Variants in IL33 observed in about 807,000 individuals in gnomAD.
IL33 encodes interleukin-33.
A neutral mutation model predicts 27.3 loss-of-function variants in IL33; 37 were observed. The observed-to-expected ratio is 1.36, with a 90% confidence interval of 1.04 to 1.78. The LOEUF (loss-of-function observed/expected upper bound fraction) is 1.78. Among genes scored for constraint, IL33 ranks in the 40% most tolerant of loss-of-function variants. IL33 has a pLI of 0.00. For synonymous variants in IL33, 132 were observed against 102.9 expected (o/e 1.28, Z -1.71); for missense variants, 406 against 311.4 (o/e 1.30, Z -2.29).
At position 6,251,186 on chromosome 9, in the gene IL33, G is replaced by T. The variant is rs1318218970; in HGVS notation, c.264G>T (p.Gln88His). The T allele has an allele frequency of 6.2e-7, 1 of 1,614,036 alleles. No homozygotes were observed. The highest frequency in any genetic ancestry group is 8.5e-7 in the Non-Finnish European group (1 of 1,179,920). Reference sequence around the variant, plus strand: ...TGGTACTCGCTGCCTGTCAACAGCAGTCTACTGTGGAGTGCTTTGCCTTTG... The same window carrying T: ...TGGTACTCGCTGCCTGTCAACAGCATTCTACTGTGGAGTGCTTTGCCTTTG... ...RHLVLAACQQ[Q>H]STVECFAFGI... is the part of the protein sequence containing the mutation. The change falls in exon 4 of 8, where the codon CAG becomes CAT. Residue 88 changes from glutamine to histidine, a missense_variant. Coordinates refer to ENST00000682010, the MANE Select transcript of IL33 (RefSeq NM_033439.4).
intron 1 of IL33, among the ~76,000 whole-genome samples, chr9:6,226,954 T>G (rs1442621984): frequency 3.3e-5 from 5 of 152,248 alleles, no homozygotes; most frequent in African/African-American, 4.8e-5. Flanking sequence ...TGTATTTGCC[T>G]TGGGGCACTG....
At chr9:6,224,668 T>C (rs139547930) in intron 1 of IL33, among the ~76,000 whole-genome samples, 2 of 152,332 alleles carry the variant, frequency 1.3e-5, no homozygotes, top group Non-Finnish European at 2.9e-5. Context: ...CTCCTACTTT[T>C]TGGCATGTAT....
intron 2 of IL33, among the ~76,000 whole-genome samples, chr9:6,243,744 T>C (rs1033294363): frequency 6.6e-6 from 1 of 152,118 alleles, no homozygotes; most frequent in East Asian, 1.9e-4. Flanking sequence ...GGAAAGAAAA[T>C]GGAGGATAAG....
chr9:6,228,421 T>A (rs952254428), intron 1 of IL33, among the ~76,000 whole-genome samples: 2 of 152,250 alleles, frequency 1.3e-5, no homozygotes, highest in African/African-American at 4.8e-5. Context: ...ACTTGTCCAA[T>A]TTTATGTAAA....
intron 1 of IL33, among the ~76,000 whole-genome samples, chr9:6,236,239 T>C (rs1237408528): frequency 6.6e-6 from 1 of 152,164 alleles, no homozygotes. Context: ...TAGTGTTAAT[T>C]GGAAAATGCA....
chr9:6,254,767 C>A (rs1816631693), intron 7 of IL33, among the ~76,000 whole-genome samples: 1 of 152,062 alleles, frequency 6.6e-6, no homozygotes, highest in Non-Finnish European at 1.5e-5. Context: ...TATTGAAAGT[C>A]TGCTCTCTGC....
rs780824666 is a variant in IL33, at chr9:6,252,907, T to C, written c.385T>C (p.Tyr129His). The change falls in exon 5 of 8, where the codon TAC becomes CAC. Residue 129 changes from tyrosine to histidine, a missense_variant. By Grantham distance (83) the Tyr-to-His change is moderately conservative. Coordinates refer to ENST00000682010, the MANE Select transcript of IL33 (RefSeq NM_033439.4). ...ITEYLASLSTYNDQSITFALE... is the reference protein window; with the variant it reads ...ITEYLASLSTHNDQSITFALE... The stretch of plus-strand genomic sequence containing the variant: ...AGAGTATCTTGCTTCTCTAAGCACA[T>C]ACAATGATCAATCCATTACTTTTGC... 4.4e-5 allele frequency: 70 copies of C among 1,607,570 alleles called. No individual in the cohort carries two copies. Among genetic ancestry groups the C allele is most frequent in the Non-Finnish European group, 5.6e-5 (66 of 1,175,276 alleles).
intron 1 of IL33, among the ~76,000 whole-genome samples, chr9:6,218,390 CAGA>C (rs1818242261): frequency 6.6e-6 from 1 of 151,798 alleles, no homozygotes; most frequent in African/African-American, 2.4e-5. Context: ...TTGAAATAGC[CAGA>C]ACTGAAAACA....
intron 1 of IL33, among the ~76,000 whole-genome samples, chr9:6,229,898 G>C (rs905710647): frequency 6.6e-6 from 1 of 152,110 alleles, no homozygotes; most frequent in Non-Finnish European, 1.5e-5. Flanking sequence ...TTGTCAGGGA[G>C]ATCAAAACAT....
At chr9:6,253,976 G>A (rs116793071) in intron 6 of IL33, among the ~76,000 whole-genome samples, 237 of 152,272 alleles carry the variant, frequency 1.6e-3, no homozygotes, top group African/African-American at 5.5e-3. Flanking sequence ...ACAATGCCTG[G>A]TCAGCAGGAC....
At chr9:6,253,734 G>C in intron 6 of IL33, 132 bp downstream of exon 6, 2 of 615,926 alleles carry the variant, frequency 3.2e-6, no homozygotes, top group Non-Finnish European at 5.6e-6. Flanking sequence ...CAAGCTCATG[G>C]TAAAACCTTA....
At chr9:6,253,154 T>C (rs773276390) in intron 5 of IL33, among the ~76,000 whole-genome samples, 163 bp downstream of exon 5, 1 of 152,166 alleles carries the variant, frequency 6.6e-6, no homozygotes, top group Non-Finnish European at 1.5e-5. Flanking sequence ...TGAATCCACT[T>C]CTATGTCAAG....
chr9:6,226,498 T>C (rs1818636190), intron 1 of IL33, among the ~76,000 whole-genome samples: 1 of 152,184 alleles, frequency 6.6e-6, no homozygotes, highest in South Asian at 2.1e-4. Context: ...TCCAAGTCTT[T>C]TACCCTCTTT....
intron 1 of IL33, among the ~76,000 whole-genome samples, chr9:6,228,394 T>A (rs1234435222): frequency 2.0e-5 from 3 of 152,224 alleles, no homozygotes; most frequent in African/African-American, 4.8e-5. Flanking sequence ...TTTTACAAGA[T>A]TCAGAATTTT....
At chr9:6,241,293 C>G (rs1319786843) in intron 1 of IL33, among the ~76,000 whole-genome samples, 42 of 152,188 alleles carry the variant, frequency 2.8e-4, no homozygotes, top group Non-Finnish European at 1.5e-5. Context: ...GTATTATATA[C>G]TATGCATGAT....
At chr9:6,225,595 T>C (rs892283917) in intron 1 of IL33, among the ~76,000 whole-genome samples, 13 of 152,224 alleles carry the variant, frequency 8.5e-5, no homozygotes, top group Non-Finnish European at 1.8e-4. Flanking sequence ...TCTGCAAATA[T>C]CAAATGTTTA....
At chr9:6,229,978 T>A (rs1292406428) in intron 1 of IL33, among the ~76,000 whole-genome samples, 1 of 152,050 alleles carries the variant, frequency 6.6e-6, no homozygotes, top group Non-Finnish European at 1.5e-5. Flanking sequence ...GCAAGAGGAA[T>A]AGTTTGAGCA....
At chr9:6,245,085 T>A (rs1175682171) in intron 2 of IL33, among the ~76,000 whole-genome samples, 2 of 152,144 alleles carry the variant, frequency 1.3e-5, no homozygotes, top group Non-Finnish European at 2.9e-5. Context: ...TTCTCCTACT[T>A]TCTTTCCCCC....
chr9:6,229,926 G>A (rs909192536), intron 1 of IL33, among the ~76,000 whole-genome samples: 1 of 152,146 alleles, frequency 6.6e-6, no homozygotes, highest in East Asian at 1.9e-4. Flanking sequence ...GGCCTCCAAT[G>A]GTTAAACAGA....
Sources: allele counts gnomAD v4.1 joint callset (sites outside exome capture counted in the v4.1 genomes callset), GRCh38; gene constraint gnomAD v4.1.1; transcripts MANE v1.5; gene names NCBI Gene and HGNC (gene_info 2026-07-23, HGNC 2026-07-21).